Variants in GON4L observed in about 807,000 individuals in gnomAD.
The protein encoded by GON4L is GON-4-like protein.
A neutral mutation model predicts 211.8 loss-of-function variants in GON4L; 87 were observed. That is an observed-to-expected ratio of 0.41 (90% CI 0.35 to 0.49). GON4L has a LOEUF of 0.49. Among genes scored for constraint, GON4L ranks in the 20% least tolerant of loss-of-function variants. GON4L has a pLI of 0.15. For synonymous variants in GON4L, 875 were observed against 962.6 expected, an observed-to-expected ratio of 0.91 and a Z score of 1.68; for missense variants, 2,155 against 2,659.5, an observed-to-expected ratio of 0.81 and a Z score of 4.17.
chr1:155,852,116 G>T (rs1671849297), intron 2 of GON4L, among the ~76,000 whole-genome samples: 1 of 131,568 alleles, frequency 7.6e-6, no homozygotes, highest in South Asian at 2.4e-4. Flanking sequence ...AGTGAGCCAA[G>T]ATCACACCAC....
At chr1:155,854,186 C>T (rs1672064134) in intron 1 of GON4L, among the ~76,000 whole-genome samples, 1 of 152,184 alleles carries the variant, frequency 6.6e-6, no homozygotes, top group Admixed American at 6.5e-5. Flanking sequence ...GAGTCTCACT[C>T]TGTCTCCCAG....
At chr1:155,835,346 T>C (rs1409013421) in intron 2 of GON4L, among the ~76,000 whole-genome samples, 1 of 152,180 alleles carries the variant, frequency 6.6e-6, no homozygotes, top group African/African-American at 2.4e-5. Context: ...CGCAGGGTCC[T>C]CTGCCTAGGA....
intron 17 of GON4L, chr1:155,773,438 G>A: frequency 3.6e-6 from 2 of 553,976 alleles, no homozygotes; most frequent in Non-Finnish European, 3.2e-6. Flanking sequence ...TTTCTTATGT[G>A]GAACACTTTA....
chr1:155,811,586 T>C (rs1362967581), intron 10 of GON4L, among the ~76,000 whole-genome samples: 4 of 149,556 alleles, frequency 2.7e-5, no homozygotes, highest in East Asian at 2.0e-4. Context: ...TGAAACCCCA[T>C]CTCTACTAAA....
At chr1:155,855,936 C>G (rs1672231626) in intron 1 of GON4L, among the ~76,000 whole-genome samples, 1 of 122,400 alleles carries the variant, frequency 8.2e-6, no homozygotes, top group South Asian at 2.7e-4. Context: ...GGGCCAAGAT[C>G]ATGCCACTGC....
chr1:155,830,055 A>G (rs1168571919), intron 2 of GON4L, among the ~76,000 whole-genome samples: 1 of 151,976 alleles, frequency 6.6e-6, no homozygotes, highest in African/African-American at 2.4e-5. Context: ...GGCTCAAGCA[A>G]TTCTCCTGCC....
Position 155,853,322 on chromosome 1 carries a change from C to T in GON4L, c.459G>A (p.Lys153=), listed in dbSNP as rs1157551424. The T allele has an allele frequency of 2.5e-6, 4 of 1,613,994 alleles. No individual in the cohort carries two copies. The highest frequency in any genetic ancestry group is 3.4e-6 in the Non-Finnish European group (4 of 1,179,990). The stretch of plus-strand genomic sequence containing the variant: ...CACTAGGCTCTCCTGAAAAAGGCTC[C>T]TTTAGGGTAAGATGATCACATCTGT... The part of the protein sequence containing the change: ...QEDRCDHLTL[K]EPFSGEPSEE... Residue 153 remains lysine (K), a synonymous_variant, in exon 2 of 32, where the codon AAG becomes AAA. Coordinates refer to ENST00000368331, the MANE Select transcript of GON4L (RefSeq NM_001282860.2).
chr1:155,780,549 C>T (rs1356406453), intron 14 of GON4L, among the ~76,000 whole-genome samples: 4 of 151,674 alleles, frequency 2.6e-5, no homozygotes, highest in Admixed American at 6.6e-5. Flanking sequence ...GCCGAGATCG[C>T]GCCACTGCAC....
rs561740287 is a variant in GON4L at position 155,782,284 on chromosome 1, A to C, written c.1892+1702T>G. On this transcript the variant is annotated intron_variant, in intron 14 of 31. Coordinates refer to ENST00000368331, the MANE Select transcript of GON4L (RefSeq NM_001282860.2). ...AGAGAAGCAGCAGCTGCCCAAGTAC[A>C]GTCATGTGCCACATAATGTTTCAGT... 4.6e-5 allele frequency among the ~76,000 whole-genome samples: 7 copies of C among 152,376 alleles called. No individual in the cohort carries two copies. In the East Asian group the frequency reaches 9.6e-4, roughly 21 times the overall value.
chr1:155,823,831 T>G (rs1668935737), intron 3 of GON4L, among the ~76,000 whole-genome samples: 1 of 150,036 alleles, frequency 6.7e-6, no homozygotes. Flanking sequence ...AGACGGAGGT[T>G]GCAGTGAGCC....
chr1:155,830,882 AC>A (rs1334848001), intron 2 of GON4L, among the ~76,000 whole-genome samples: 14 of 152,184 alleles, frequency 9.2e-5, no homozygotes, highest in African/African-American at 2.2e-4. Context: ...ACCATGCCTG[AC>A]CCCAAATATT....
At position 155,754,439 on chromosome 1, in the gene GON4L, T is replaced by C. The variant is rs774171428; in HGVS notation, c.5567A>G (p.Glu1856Gly). Residue 1856 changes from glutamate to glycine, a missense_variant, in exon 28 of 32, where the codon GAA (glutamate) becomes GGA (glycine). By Grantham distance (98) the Glu-to-Gly change is moderately conservative. Around this residue, in one of 6 missense-constraint regions of GON4L, gnomAD observed 455 missense variants for 504.6 expected, o/e 0.90. Coordinates refer to ENST00000368331, the MANE Select transcript of GON4L (RefSeq NM_001282860.2). The part of the protein sequence containing the change: ...GAKDCACSCH[E>G]GGPDSKLKKS... ...CTTCAGCTTGGAATCTGGACCTCCTTCATGGCAGGAGCAGGCACAGTCCTT... is the reference window on the plus strand; with the variant it reads ...CTTCAGCTTGGAATCTGGACCTCCTCCATGGCAGGAGCAGGCACAGTCCTT... 3.1e-6 allele frequency: 5 copies of C among 1,613,334 alleles called. No homozygotes were observed. The South Asian group carries it at 3.3e-5, about 11-fold the overall frequency.
intron 12 of GON4L, among the ~76,000 whole-genome samples, chr1:155,791,899 T>TAACA (rs1317267036): frequency 8.6e-6 from 1 of 116,452 alleles, no homozygotes; most frequent in Non-Finnish European, 1.8e-5. Flanking sequence ...TAACATAACA[T>TAACA]AACATAACAT....
At chr1:155,808,447 C>G (rs557419750) in intron 10 of GON4L, among the ~76,000 whole-genome samples, 1 of 152,096 alleles carries the variant, frequency 6.6e-6, no homozygotes, top group Non-Finnish European at 1.5e-5. Flanking sequence ...CTCTTTTTCA[C>G]GATCCCACCC....
Position 155,826,991 on chromosome 1 carries a change from G to T in GON4L, c.543C>A (p.Ser181=), listed in dbSNP as rs1669272133. 6.2e-7 allele frequency: 1 copy of T among 1,613,962 alleles called. No individual in the cohort carries two copies. The highest frequency in any genetic ancestry group is 8.5e-7 in the Non-Finnish European group (1 of 1,179,844). ...PQMNSEGEIP[S]LPSGSQSAKP... is the part of the protein sequence containing the mutation. ...TTGCAGATTGGCTGCCTGATGGCAG[G>T]GAAGGTATCTCCCCTTCAGAATTCA... is the stretch of plus-strand genomic sequence containing the variant. Residue 181 remains serine, a synonymous_variant, in exon 3 of 32, where the codon TCC becomes TCA. Coordinates refer to ENST00000368331, the MANE Select transcript of GON4L (RefSeq NM_001282860.2).
downstream of GON4L, chr1:155,749,343 A>G (rs1462610038): frequency 1.7e-5 from 28 of 1,610,304 alleles, no homozygotes; most frequent in Non-Finnish European, 2.4e-5. Flanking sequence ...CACCCCAGGG[A>G]CACCTCCACC....
intron 23 of GON4L, 147 bp from the exon 24 acceptor site, chr1:155,760,788 CTG>C: frequency 1.6e-6 from 1 of 611,428 alleles, no homozygotes; most frequent in Non-Finnish European, 2.9e-6. Flanking sequence ...TAACATCTGA[CTG>C]TTAATGGAAG....
chr1:155,766,190 C>T lies in GON4L; in HGVS notation c.3283G>A (p.Ala1095Thr), dbSNP rs1016428351. ...GGCAGCATTACCTTGGGCACAGGGG[C>T]AGAAGAGAGCAAAGTCTGGGACTCA... Reference protein sequence around the residue: ...LSESQTLLSSAPVPKVMLPSL... With the variant: ...LSESQTLLSSTPVPKVMLPSL... Residue 1095 changes from alanine (A) to threonine (T), a missense_variant, in exon 21 of 32, where the codon GCC (alanine) becomes ACC (threonine). Transcript: ENST00000368331. The T allele has an allele frequency of 2.5e-6, 4 of 1,613,924 alleles. No individual in the cohort carries two copies. Among genetic ancestry groups the T allele is most frequent in the Non-Finnish European group, 8.5e-7 (1 of 1,180,024 alleles).
chr1:155,788,949 G>A (rs887590578), intron 12 of GON4L, among the ~76,000 whole-genome samples: 1 of 151,770 alleles, frequency 6.6e-6, no homozygotes, highest in Non-Finnish European at 1.5e-5. Flanking sequence ...AATTAGCCGG[G>A]CATGGTAGCA....
Sources: gnomAD v4.1 joint callset for allele counts (sites outside exome capture counted in the v4.1 genomes callset) on GRCh38, gnomAD v4.1.1 for gene constraint, gnomAD v4.1.1 regional missense constraint, MANE v1.5 for transcripts, NCBI Gene and HGNC (gene_info 2026-07-23, HGNC 2026-07-21) for gene names.